Variants in AGBL4 observed in about 807,000 individuals in gnomAD.
AGBL4 encodes cytosolic carboxypeptidase 6.
AGBL4 carries 58 observed loss-of-function variants against 66.4 expected under a neutral mutation model. The ratio of observed to expected loss-of-function variants is 0.87; its 90% CI spans 0.71 to 1.09. AGBL4 has a LOEUF of 1.09. AGBL4 is among the 50% of genes least tolerant of loss of function. AGBL4 has a pLI of 0.00. For missense variants in AGBL4, 579 were observed against 631.0 expected, an observed-to-expected ratio of 0.92 and a Z score of 0.88; for synonymous variants, 234 against 222.9, an observed-to-expected ratio of 1.05 and a Z score of -0.44.
chr1:49,436,217 G>GTTTGAAAA (rs1645899544), intron 3 of AGBL4, among the ~76,000 whole-genome samples: 2 of 152,194 alleles, frequency 1.3e-5, no homozygotes, highest in African/African-American at 4.8e-5. Context: ...AAATGCATGA[G>GTTTGAAAA]TTTGAAAGAG....
intron 11 of AGBL4, among the ~76,000 whole-genome samples, chr1:48,548,956 C>G (rs1644208862): frequency 6.6e-6 from 1 of 152,138 alleles, no homozygotes; most frequent in Admixed American, 6.5e-5. Context: ...GTTCTAGGAG[C>G]TAGGATACAA....
intron 3 of AGBL4, among the ~76,000 whole-genome samples, chr1:49,262,200 A>T (rs1450618106): frequency 6.6e-6 from 1 of 152,234 alleles, no homozygotes; most frequent in Non-Finnish European, 1.5e-5. Flanking sequence ...CTAAAACCAT[A>T]AAAACCCTAG....
intron 5 of AGBL4, among the ~76,000 whole-genome samples, chr1:48,996,537 T>C (rs547596504): frequency 5.3e-4 from 81 of 152,302 alleles, no homozygotes; most frequent in Admixed American, 9.1e-4. Context: ...GGAAGTAGGT[T>C]GTCAGTTAAC....
intron 4 of AGBL4, among the ~76,000 whole-genome samples, chr1:49,168,055 G>T (rs1048567777): frequency 6.6e-6 from 1 of 152,166 alleles, no homozygotes; most frequent in Non-Finnish European, 1.5e-5. Flanking sequence ...GGATGTGTAG[G>T]TTATATGCAA....
chr1:48,818,591 C>T (rs1168845996), intron 6 of AGBL4, among the ~76,000 whole-genome samples: 4 of 152,106 alleles, frequency 2.6e-5, no homozygotes, highest in Non-Finnish European at 5.9e-5. Flanking sequence ...TGCACTTAAA[C>T]GTTCAACCAA....
chr1:49,065,466 T>A (rs1019938850), intron 4 of AGBL4, among the ~76,000 whole-genome samples: 1 of 152,206 alleles, frequency 6.6e-6, no homozygotes, highest in Non-Finnish European at 1.5e-5. Context: ...GTTTCCAAAG[T>A]AACTGAGCAC....
chr1:49,009,155 A>G (rs1027199026), intron 5 of AGBL4, among the ~76,000 whole-genome samples: 13 of 152,058 alleles, frequency 8.5e-5, no homozygotes, highest in African/African-American at 2.9e-4. Context: ...AAAAAAAGAG[A>G]GAAGAATCAA....
At position 49,182,157 on chromosome 1, in the gene AGBL4, A is replaced by C. The variant is rs375465346; in HGVS notation, c.377+63613T>G. ...CCCACCCTAAGTGAGACAGGGGCAG[A>C]AGACCAAGTGAAGAATGACCATCCT... On this transcript the variant is annotated intron_variant, in intron 4 of 13. Transcript: ENST00000371839. 3.3e-4 allele frequency among the ~76,000 whole-genome samples: 50 copies of C among 152,340 alleles called. 1 individual carries two copies. The South Asian group carries it at 9.5e-3, about 29-fold the overall frequency.
At chr1:48,654,842 C>T (rs1056909524) in intron 7 of AGBL4, among the ~76,000 whole-genome samples, 4 of 152,200 alleles carry the variant, frequency 2.6e-5, no homozygotes, top group South Asian at 2.1e-4. Flanking sequence ...TCGGCTAACG[C>T]GGCAGTAGAC....
intron 2 of AGBL4, among the ~76,000 whole-genome samples, chr1:49,740,139 T>C (rs1032006796): frequency 6.6e-6 from 1 of 152,202 alleles, no homozygotes; most frequent in African/African-American, 2.4e-5. Context: ...ATCAGTGTGC[T>C]GTATTCAGGA....
At chr1:49,116,792 G>A (rs1645533807) in intron 4 of AGBL4, among the ~76,000 whole-genome samples, 2 of 152,208 alleles carry the variant, frequency 1.3e-5, no homozygotes, top group East Asian at 1.9e-4. Flanking sequence ...TGAGGGATCG[G>A]CACAGTGGCT....
chr1:48,978,806 T>C (rs1659536672), intron 5 of AGBL4, among the ~76,000 whole-genome samples: 1 of 152,160 alleles, frequency 6.6e-6, no homozygotes, highest in African/African-American at 2.4e-5. Context: ...GATCTCAAGG[T>C]CACTCGACAA....
chr1:48,630,798 C>T (rs1645581025), intron 9 of AGBL4, among the ~76,000 whole-genome samples: 3 of 152,182 alleles, frequency 2.0e-5, no homozygotes, highest in Admixed American at 6.5e-5. Context: ...CTGTCTGCCC[C>T]TGGTAACAGC....
In AGBL4 at chr1:48,745,743, T is replaced by G. The variant is rs1397623369; in HGVS notation, c.635-82502A>C. 2.0e-5 allele frequency among the ~76,000 whole-genome samples: 3 copies of G among 152,144 alleles called. No homozygotes were observed. In the East Asian group the frequency reaches 5.8e-4, roughly 29 times the overall value. On this transcript the variant is annotated intron_variant, in intron 6 of 13. Coordinates refer to ENST00000371839, the MANE Select transcript of AGBL4 (RefSeq NM_032785.4). ...AAATAATTATCTCTAGCCCTTGGCT[T>G]GGGATTTGGAGACAGAGCTCCAAAT...
At chr1:48,940,684 C>G (rs1466899179) in intron 5 of AGBL4, among the ~76,000 whole-genome samples, 1 of 152,122 alleles carries the variant, frequency 6.6e-6, no homozygotes, top group African/African-American at 2.4e-5. Flanking sequence ...ATGAGTGAAG[C>G]TGGGAAACTT....
At chr1:49,980,092 T>C (rs1355075714) in intron 1 of AGBL4, among the ~76,000 whole-genome samples, 1 of 152,174 alleles carries the variant, frequency 6.6e-6, no homozygotes, top group Non-Finnish European at 1.5e-5. Context: ...GTTAATTGAC[T>C]ATGTTATTGG....
At chr1:48,631,926 G>C (rs1407182084) in intron 9 of AGBL4, among the ~76,000 whole-genome samples, 1 of 152,068 alleles carries the variant, frequency 6.6e-6, no homozygotes, top group Non-Finnish European at 1.5e-5. Context: ...TTTGTTCTTG[G>C]TAACCCCTGA....
intron 3 of AGBL4, among the ~76,000 whole-genome samples, chr1:49,525,026 T>C (rs2148805533): frequency 6.6e-6 from 1 of 152,190 alleles, no homozygotes; most frequent in Admixed American, 6.5e-5. Flanking sequence ...TCTTCTGTTT[T>C]CCCTTCTACA....
chr1:49,580,843 A>G (rs1469649393), intron 3 of AGBL4, among the ~76,000 whole-genome samples: 6 of 152,172 alleles, frequency 3.9e-5, no homozygotes, highest in Non-Finnish European at 7.3e-5. Flanking sequence ...ATGCCACAAT[A>G]AAGTCCTTTT....
Sources: allele counts gnomAD v4.1 joint callset (sites outside exome capture counted in the v4.1 genomes callset), GRCh38; gene constraint gnomAD v4.1.1; transcripts MANE v1.5; gene names NCBI Gene and HGNC (gene_info 2026-07-23, HGNC 2026-07-21).